GPC5: variants seen among roughly 807,000 people sequenced by gnomAD.
The protein encoded by GPC5 is glypican-5.
GPC5 carries 47 observed loss-of-function variants against 53.9 expected under a neutral mutation model. The observed-to-expected ratio is 0.87, with a 90% CI of 0.69 to 1.11. GPC5 has a LOEUF of 1.11. GPC5 is among the 50% of genes most tolerant of loss of function. The pLI is 0.00. For missense variants in GPC5, 748 were observed against 713.1 expected, an observed-to-expected ratio of 1.05 and a Z score of -0.56; for synonymous variants, 286 against 263.3, an observed-to-expected ratio of 1.09 and a Z score of -0.84.
intron 7 of GPC5, among the ~76,000 whole-genome samples, chr13:92,643,604 ATT>A (rs1330534665): frequency 1.4e-5 from 2 of 142,144 alleles, no homozygotes; most frequent in African/African-American, 5.2e-5. Context: ...GGAAATCATC[ATT>A]CTCAGTAAAC....
chr13:91,482,450 T>G (rs1292253507), intron 2 of GPC5, among the ~76,000 whole-genome samples: 3 of 152,150 alleles, frequency 2.0e-5, no homozygotes, highest in South Asian at 4.1e-4. Flanking sequence ...TAAAATGGAC[T>G]AAGATAGAGG....
chr13:92,630,480 T>G (rs987827240), intron 7 of GPC5, among the ~76,000 whole-genome samples: 3 of 122,368 alleles, frequency 2.5e-5, no homozygotes, highest in Non-Finnish European at 5.3e-5. Flanking sequence ...ACCTTTTTAA[T>G]AGTAACTATT....
intron 2 of GPC5, among the ~76,000 whole-genome samples, chr13:91,660,585 G>A (rs1295148956): frequency 6.6e-6 from 1 of 152,152 alleles, no homozygotes; most frequent in Non-Finnish European, 1.5e-5. Flanking sequence ...ATAAATATTT[G>A]TTGTCATCAA....
At chr13:91,902,824 A>G (rs1209277531) in intron 5 of GPC5, among the ~76,000 whole-genome samples, 1 of 152,042 alleles carries the variant, frequency 6.6e-6, no homozygotes, top group Non-Finnish European at 1.5e-5. Context: ...CTTAGATCCT[A>G]AAGTACTCAC....
At position 92,652,988 on chromosome 13, in the gene GPC5, G is replaced by T. The variant is rs1886005820; in HGVS notation, c.1562-213294G>T. On this transcript the variant is annotated intron_variant, in intron 7 of 7. Coordinates refer to ENST00000377067, the MANE Select transcript of GPC5 (RefSeq NM_004466.6). The stretch of plus-strand genomic sequence containing the variant: ...TACTATTGCACAAGAATGTGAGTTT[G>T]TGTAGTGTTTGTATGGGTGTGTGTA... Among the ~76,000 whole-genome samples, 3 of 152,200 alleles carry T rather than the reference G, an allele frequency of 2.0e-5. No homozygotes were observed. In the East Asian group the frequency reaches 5.8e-4, roughly 29 times the overall value.
intron 3 of GPC5, among the ~76,000 whole-genome samples, chr13:91,702,706 T>A (rs547221128): frequency 1.3e-5 from 2 of 152,212 alleles, no homozygotes; most frequent in East Asian, 3.9e-4. Flanking sequence ...GAGATTGCAC[T>A]GAATCTATAG....
chr13:92,148,719 A>G (rs2041886200), intron 7 of GPC5, among the ~76,000 whole-genome samples: 1 of 152,084 alleles, frequency 6.6e-6, no homozygotes, highest in African/African-American at 2.4e-5. Flanking sequence ...GACACCTGCC[A>G]TTCTTTCACA....
chr13:92,304,437 C>T (rs1348817704), intron 7 of GPC5, among the ~76,000 whole-genome samples: 4 of 152,022 alleles, frequency 2.6e-5, no homozygotes, highest in Admixed American at 1.3e-4. Flanking sequence ...ATCTCCTGAC[C>T]TTGTGATCCG....
intron 2 of GPC5, among the ~76,000 whole-genome samples, chr13:91,517,717 G>A (rs1885577537): frequency 6.6e-6 from 1 of 152,136 alleles, no homozygotes; most frequent in Non-Finnish European, 1.5e-5. Flanking sequence ...AGACATACCT[G>A]AGACTGAGAA....
At chr13:91,660,291 G>A (rs1402659492) in intron 2 of GPC5, among the ~76,000 whole-genome samples, 2 of 152,162 alleles carry the variant, frequency 1.3e-5, no homozygotes, top group East Asian at 3.9e-4. Flanking sequence ...GTGGCAGCTT[G>A]TGGGTCAGAG....
intron 7 of GPC5, among the ~76,000 whole-genome samples, chr13:92,177,368 G>A (rs567978506): frequency 1.3e-5 from 2 of 152,296 alleles, no homozygotes; most frequent in East Asian, 3.9e-4. Context: ...TCAAAGGTGT[G>A]TTAGCGTATC....
At position 92,429,369 on chromosome 13, in the gene GPC5, G is replaced by T. The variant is rs144768506; in HGVS notation, c.1561+284380G>T. Among the ~76,000 whole-genome samples, 546 of 151,546 alleles carry T rather than the reference G, an allele frequency of 3.6e-3. 1 individual carries two copies. The highest frequency in any genetic ancestry group is 0.012 in the African/African-American group (499 of 41,362). ...TTCACACCTTCCTATGACTACTCAG[G>T]CGCAGAAAAATGGAAATAATAATAA... On this transcript the variant is annotated intron_variant, in intron 7 of 7. Coordinates refer to ENST00000377067, the MANE Select transcript of GPC5 (RefSeq NM_004466.6).
intron 7 of GPC5, among the ~76,000 whole-genome samples, chr13:92,192,734 A>G (rs2042231440): frequency 6.6e-6 from 1 of 152,326 alleles, no homozygotes; most frequent in South Asian, 2.1e-4. Flanking sequence ...ATGCCCACGT[A>G]TGGGATTGCA....
In GPC5 at chr13:91,430,291, C is replaced by G. The variant is rs576534870; in HGVS notation, c.164-18470C>G. Among the ~76,000 whole-genome samples, 3 of 152,246 alleles carry G rather than the reference C, an allele frequency of 2.0e-5. No homozygotes were observed. The East Asian group carries it at 5.8e-4, about 29-fold the overall frequency. On this transcript the variant is annotated intron_variant, in intron 1 of 7. Coordinates refer to ENST00000377067, the MANE Select transcript of GPC5 (RefSeq NM_004466.6). ...ACCTGACTATAGTCAGATGGGCATA[C>G]CTTGGGTCCAGGATTAGCCACACTG...
At chr13:92,033,846 A>G (rs1052563954) in intron 6 of GPC5, among the ~76,000 whole-genome samples, 1 of 152,202 alleles carries the variant, frequency 6.6e-6, no homozygotes, top group African/African-American at 2.4e-5. Context: ...AATCCCAGTA[A>G]TTTACAAGGC....
intron 3 of GPC5, among the ~76,000 whole-genome samples, chr13:91,706,179 C>A (rs2036101510): frequency 6.6e-6 from 1 of 151,560 alleles, no homozygotes; most frequent in Non-Finnish European, 1.5e-5. Flanking sequence ...GCACCTGGCC[C>A]TAGCTACATG....
intron 7 of GPC5, among the ~76,000 whole-genome samples, chr13:92,227,268 T>A (rs1322672008): frequency 1.3e-5 from 2 of 152,186 alleles, no homozygotes; most frequent in Non-Finnish European, 1.5e-5. Context: ...TTTGCTTTGC[T>A]TACCAGTGAC....
At chr13:92,613,353 T>TATATAATATATTTATATATAA (rs1884516264) in intron 7 of GPC5, among the ~76,000 whole-genome samples, 1 of 99,262 alleles carries the variant, frequency 1.0e-5, no homozygotes, top group African/African-American at 4.1e-5. Context: ...TATATATAAA[T>TATATAATATATTTATATATAA]ATATAATATA....
intron 7 of GPC5, among the ~76,000 whole-genome samples, chr13:92,621,660 A>T (rs182629940): frequency 2.0e-5 from 3 of 152,002 alleles, no homozygotes; most frequent in Non-Finnish European, 2.9e-5. Flanking sequence ...GTCTCTACTA[A>T]AATTCCCAAA....
Sources: gnomAD v4.1 joint callset for allele counts (sites outside exome capture counted in the v4.1 genomes callset) on GRCh38, gnomAD v4.1.1 for gene constraint, MANE v1.5 for transcripts, NCBI Gene and HGNC (gene_info 2026-07-23, HGNC 2026-07-21) for gene names.